The following RP1 variants were observed in gnomAD, a reference collection of about 807,000 sequenced individuals.
RP1 encodes the protein oxygen-regulated protein 1.
A neutral mutation model predicts 14.8 loss-of-function variants in RP1; 16 were observed. That is an observed-to-expected ratio of 1.08 (90% CI 0.73 to 1.65). The LOEUF is 1.65. Among genes scored for constraint, RP1 ranks in the 40% most tolerant of loss-of-function variants. The pLI is 0.00. For missense variants in RP1, 2,631 were observed against 2,535.0 expected, an observed-to-expected ratio of 1.04 and a Z score of -0.81; for synonymous variants, 876 against 883.6, an observed-to-expected ratio of 0.99 and a Z score of 0.15.
At chr8:54,663,638 T>C in intron 6 of RP1, 1 of 1,368,812 alleles carries the variant, frequency 7.3e-7, no homozygotes, top group Non-Finnish European at 9.4e-7. Context: ...GATTTCTGTA[T>C]GTAATTTTCT....
intron 1 of RP1, among the ~76,000 whole-genome samples, chr8:54,566,463 T>C (rs1804410202): frequency 6.6e-6 from 1 of 152,170 alleles, no homozygotes; most frequent in African/African-American, 2.4e-5. Flanking sequence ...GGCTGTGTCA[T>C]CTGAGAAGAG....
chr8:54,670,706 T>TAA (rs1554522910), intron 7 of RP1, among the ~76,000 whole-genome samples: 21 of 109,834 alleles, frequency 1.9e-4, no homozygotes, highest in East Asian at 8.2e-4. Flanking sequence ...TATATATATA[T>TAA]AAAACATTAA....
intron 1 of RP1, among the ~76,000 whole-genome samples, chr8:54,564,389 G>A (rs115934059): frequency 0.011 from 1,633 of 152,304 alleles, 16 homozygotes; most frequent in South Asian, 0.041. Context: ...GCAAGTGTGG[G>A]CGAGTGACCA....
chr8:54,573,204 T>C (rs1391476731), intron 1 of RP1, among the ~76,000 whole-genome samples: 10 of 152,156 alleles, frequency 6.6e-5, no homozygotes. Flanking sequence ...ATCACCTTCT[T>C]TTTTTCCAGT....
In RP1 at chr8:54,754,853, C is replaced by CGTAT; in HGVS notation, c.2861_2864dup (p.Trp955CysfsTer15). 1 of 1,527,674 alleles carries CGTAT rather than the reference C, an allele frequency of 6.5e-7. No individual in the cohort carries two copies. Among genetic ancestry groups the CGTAT allele is most frequent in the Non-Finnish European group, 8.8e-7 (1 of 1,142,720 alleles). 94.6% of individuals were successfully genotyped at this position (1,527,674 alleles called of 1,614,324 possible). ...AGAAGATCCTAGATTTTGCAGCAAACGTATGGCTGTCTCGGATTCAGGCAG... is the reference window on the plus strand; with the variant it reads ...AGAAGATCCTAGATTTTGCAGCAAACGTATGTATGGCTGTCTCGGATTCAGGCAG... On this transcript the variant is annotated frameshift_variant, in exon 20 of 23. Transcript: ENST00000636932. LOFTEE classifies it high-confidence loss of function.
chr8:54,786,400 C>A (rs1427155775), intron 24 of RP1, among the ~76,000 whole-genome samples: 1 of 151,954 alleles, frequency 6.6e-6, no homozygotes, highest in East Asian at 1.9e-4. Context: ...AGATTCTCTG[C>A]TTGTTTTTGG....
intron 1 of RP1, among the ~76,000 whole-genome samples, chr8:54,572,994 C>A (rs1320485774): frequency 2.1e-5 from 3 of 144,756 alleles, no homozygotes; most frequent in Non-Finnish European, 4.7e-5. Context: ...TTTTTACAAT[C>A]TTGGCATAAA....
chr8:54,593,502 A>G (rs936634358), intron 1 of RP1, among the ~76,000 whole-genome samples: 8 of 152,172 alleles, frequency 5.3e-5, no homozygotes, highest in African/African-American at 1.4e-4. Flanking sequence ...GACTCCTTGC[A>G]TAAGCTGGTC....
At chr8:54,586,334 T>C (rs1165423520) in intron 1 of RP1, among the ~76,000 whole-genome samples, 2 of 152,220 alleles carry the variant, frequency 1.3e-5, no homozygotes, top group Non-Finnish European at 2.9e-5. Flanking sequence ...CAGCAAATGT[T>C]ACTGCCTGAT....
rs192266230 is a variant in RP1 at position 54,812,599 on chromosome 8, A to G, written c.3616-24851A>G. Reference sequence around the variant, plus strand: ...CCGTAAAGTTATTTAATTTTATTTTAAGCTTTCACTTCCAATTCTGTTTTC... The same window carrying G: ...CCGTAAAGTTATTTAATTTTATTTTGAGCTTTCACTTCCAATTCTGTTTTC... On this transcript the variant is annotated intron_variant, in intron 24 of 28. Coordinates refer to the RP1 transcript ENST00000637698. Among the ~76,000 whole-genome samples the G allele has an allele frequency of 6.6e-5, 10 of 152,308 alleles. No homozygotes were observed. The East Asian group carries it at 1.5e-3, about 23-fold the overall frequency.
At chr8:54,651,648 T>A (rs1806657325) in intron 4 of RP1, among the ~76,000 whole-genome samples, 1 of 152,182 alleles carries the variant, frequency 6.6e-6, no homozygotes, top group Admixed American at 6.5e-5. Context: ...TTCTCTTTGC[T>A]AACATCTAGA....
chr8:54,692,784 T>G (rs1342263412), intron 12 of RP1, among the ~76,000 whole-genome samples: 4 of 151,186 alleles, frequency 2.6e-5, no homozygotes, highest in Non-Finnish European at 4.4e-5. Flanking sequence ...TCACTCTGAT[T>G]GTGGTTTCTT....
At chr8:54,845,239 G>A (rs1327687311) in intron 25 of RP1, among the ~76,000 whole-genome samples, 1 of 152,190 alleles carries the variant, frequency 6.6e-6, no homozygotes, top group South Asian at 2.1e-4. Flanking sequence ...GCCTGGGAAG[G>A]TGGCCTAGAA....
At chr8:54,701,402 C>A in intron 13 of RP1, 1 of 1,100,816 alleles carries the variant, frequency 9.1e-7, no homozygotes, top group Non-Finnish European at 1.2e-6. Flanking sequence ...ATGAAGTAGA[C>A]ACCTGTATAT....
In RP1 at chr8:54,606,108, T is replaced by C. The variant is rs57333094; in HGVS notation, c.-12-14847T>C. On this transcript the variant is annotated intron_variant, in intron 1 of 22. Coordinates refer to the RP1 transcript ENST00000636932. ...TGATGATGTTAGCTGGTTATTTTGCTCATTAGTTGATGCAGTTTCTTCCTA... is the reference window on the plus strand; with the variant it reads ...TGATGATGTTAGCTGGTTATTTTGCCCATTAGTTGATGCAGTTTCTTCCTA... Among the ~76,000 whole-genome samples, 23 of 152,336 alleles carry C rather than the reference T, an allele frequency of 1.5e-4. No homozygotes were observed. The East Asian group carries it at 4.2e-3, about 28-fold the overall frequency.
intron 22 of RP1, chr8:54,759,129 G>GT: frequency 3.0e-6 from 3 of 1,013,378 alleles, no homozygotes; most frequent in South Asian, 2.9e-5. Flanking sequence ...TGTGGATGAT[G>GT]CTGTGTGTGT....
chr8:54,803,245 G>A (rs1351254781), intron 24 of RP1, among the ~76,000 whole-genome samples: 1 of 152,140 alleles, frequency 6.6e-6, no homozygotes, highest in Non-Finnish European at 1.5e-5. Flanking sequence ...AATGGACTGG[G>A]ACTCTATATG....
chr8:54,745,691 T>C (rs988476786), intron 19 of RP1, among the ~76,000 whole-genome samples: 5 of 151,634 alleles, frequency 3.3e-5, no homozygotes, highest in African/African-American at 7.3e-5. Flanking sequence ...TTTTTTTTTT[T>C]CCAAGCACTG....
intron 15 of RP1, among the ~76,000 whole-genome samples, chr8:54,713,621 G>T (rs1808340141): frequency 6.6e-6 from 1 of 152,054 alleles, no homozygotes. Flanking sequence ...AAAATTAAAG[G>T]TAATTCATAT....
Sources: gnomAD v4.1 joint callset for allele counts (sites outside exome capture counted in the v4.1 genomes callset) on GRCh38, gnomAD v4.1.1 for gene constraint, MANE v1.5 for transcripts, NCBI Gene and HGNC (gene_info 2026-07-23, HGNC 2026-07-21) for gene names.